Variants in ATP10B observed in about 807,000 individuals in gnomAD.
The protein encoded by ATP10B is ATPase phospholipid transporting 10B (putative).
Under a neutral mutation model 141.2 loss-of-function variants are expected in ATP10B, and 122 were observed. The ratio of observed to expected loss-of-function variants is 0.86; its 90% confidence interval spans 0.75 to 1.00. The LOEUF (loss-of-function observed/expected upper bound fraction) is 1.00, where lower values mean the gene tolerates loss of function less well. ATP10B is among the 50% of genes least tolerant of loss of function. The pLI, the probability that ATP10B is intolerant of heterozygous loss-of-function variation, is 0.00. For missense variants in ATP10B, 1,876 were observed against 1,825.3 expected (o/e 1.03, Z -0.51); for synonymous variants, 685 against 692.0 (o/e 0.99, Z 0.16).
chr5:160,698,733 G>A (rs777245195), intron 3 of ATP10B, among the ~76,000 whole-genome samples: 24 of 152,172 alleles, frequency 1.6e-4, no homozygotes, highest in Admixed American at 2.0e-4. Flanking sequence ...CTACCAATGG[G>A]AAATTGAAAG....
intron 1 of ATP10B, among the ~76,000 whole-genome samples, chr5:160,805,078 C>T (rs1013788195): frequency 6.6e-6 from 1 of 152,198 alleles, no homozygotes; most frequent in Admixed American, 6.5e-5. Context: ...CAAGGGTCAA[C>T]TAAATTTGTG....
intron 2 of ATP10B, among the ~76,000 whole-genome samples, chr5:160,739,363 T>C (rs1434451463): frequency 6.6e-6 from 1 of 152,158 alleles, no homozygotes; most frequent in Non-Finnish European, 1.5e-5. Context: ...ACAATAGTCA[T>C]ATAGAATTAA....
At chr5:160,727,954 T>C (rs1766474582) in intron 2 of ATP10B, among the ~76,000 whole-genome samples, 1 of 152,234 alleles carries the variant, frequency 6.6e-6, no homozygotes, top group Non-Finnish European at 1.5e-5. Context: ...GTCTACAATC[T>C]AAGTCTTGCT....
Position 160,632,212 on chromosome 5 carries a change from C to T in ATP10B, c.1537G>A (p.Val513Met), listed in dbSNP as rs1758984248. 1.2e-6 allele frequency: 2 copies of T among 1,614,066 alleles called. No individual in the cohort carries two copies. The highest frequency in any genetic ancestry group is 2.7e-5 in the African/African-American group (2 of 74,934). Residue 513 changes from valine to methionine, a missense_variant, in exon 13 of 26, where the codon GTG becomes ATG. Coordinates refer to ENST00000327245, the MANE Select transcript of ATP10B (RefSeq NM_025153.3). The part of the protein sequence containing the change: ...QPLRRSQSAR[V>M]PIQGHYRQRS... ...TGCCGGTAGTGGCCCTGGATGGGCACCCGGGCACTCTGGCTCCTCCTCAGA... is the reference window on the plus strand; with the variant it reads ...TGCCGGTAGTGGCCCTGGATGGGCATCCGGGCACTCTGGCTCCTCCTCAGA...
the ATP10B span, among the ~76,000 whole-genome samples, chr5:160,887,642 C>T: frequency 6.6e-6 from 1 of 152,158 alleles, no homozygotes; most frequent in Non-Finnish European, 1.5e-5. Flanking sequence ...TCTCCCCTCA[C>T]TCATGTTTCT....
At chr5:160,612,305 G>A (rs1271561039) in intron 18 of ATP10B, 3 of 152,906 alleles carry the variant, frequency 2.0e-5, no homozygotes, top group African/African-American at 7.2e-5. Flanking sequence ...GTAAGAAACC[G>A]ACAGTTGAGT....
chr5:160,637,509 C>T (rs1759507796), intron 10 of ATP10B, among the ~76,000 whole-genome samples: 1 of 152,160 alleles, frequency 6.6e-6, no homozygotes, highest in Admixed American at 6.5e-5. Context: ...ATAGCAGAGC[C>T]TAGAATGCTG....
At chr5:160,829,827 A>G (rs1448893057) in intron 1 of ATP10B, among the ~76,000 whole-genome samples, 2 of 148,902 alleles carry the variant, frequency 1.3e-5, no homozygotes, top group Non-Finnish European at 2.9e-5. Flanking sequence ...TGTTAAACTC[A>G]TTTATCAGTT....
At chr5:160,747,066 C>T (rs1767854035) in intron 2 of ATP10B, among the ~76,000 whole-genome samples, 1 of 152,182 alleles carries the variant, frequency 6.6e-6, no homozygotes, top group African/African-American at 2.4e-5. Flanking sequence ...GGATTCTTGG[C>T]TTCTCATTTG....
intron 1 of ATP10B, among the ~76,000 whole-genome samples, chr5:160,823,813 G>A (rs1440183213): frequency 1.3e-5 from 2 of 151,966 alleles, no homozygotes; most frequent in South Asian, 2.1e-4. Context: ...CAGCCTGGGC[G>A]ACAGAGTGAG....
intron 3 of ATP10B, among the ~76,000 whole-genome samples, chr5:160,697,640 T>A (rs1764449687): frequency 6.6e-6 from 1 of 151,996 alleles, no homozygotes; most frequent in East Asian, 1.9e-4. Context: ...TTGGTAAAAG[T>A]GGGGACTAGT....
intron 2 of ATP10B, among the ~76,000 whole-genome samples, chr5:160,728,734 C>T (rs1490828516): frequency 6.6e-6 from 1 of 152,070 alleles, no homozygotes; most frequent in Non-Finnish European, 1.5e-5. Flanking sequence ...TGTTGTCAGA[C>T]CTTAGGGTGG....
chr5:160,874,727 C>T, the ATP10B span, among the ~76,000 whole-genome samples: 35 of 151,848 alleles, frequency 2.3e-4, no homozygotes, highest in African/African-American at 7.2e-4. Context: ...TCCAGAACTA[C>T]GTGAAGAATG....
chr5:160,702,250 C>T (rs1486205926), intron 3 of ATP10B, among the ~76,000 whole-genome samples: 1 of 152,110 alleles, frequency 6.6e-6, no homozygotes, highest in Admixed American at 6.6e-5. Flanking sequence ...CCCAAATAAT[C>T]CTATGAGGTA....
At chr5:160,823,655 G>C (rs971284220) in intron 1 of ATP10B, among the ~76,000 whole-genome samples, 5 of 152,124 alleles carry the variant, frequency 3.3e-5, no homozygotes, top group Admixed American at 1.3e-4. Context: ...AGGAGATCGA[G>C]ACCATCCTGG....
At chr5:160,621,733 C>T (rs527734361) in intron 14 of ATP10B, among the ~76,000 whole-genome samples, 2 of 152,288 alleles carry the variant, frequency 1.3e-5, no homozygotes, top group African/African-American at 4.8e-5. Flanking sequence ...TGACTCACAG[C>T]TCACAGGGGT....
At chr5:160,896,853 T>G in the ATP10B span, among the ~76,000 whole-genome samples, 1 of 152,196 alleles carries the variant, frequency 6.6e-6, no homozygotes. Flanking sequence ...CACGATCAAG[T>G]TGGCTTCATC....
intron 1 of ATP10B, among the ~76,000 whole-genome samples, chr5:160,814,842 A>G (rs1773477187): frequency 6.6e-6 from 1 of 152,218 alleles, no homozygotes; most frequent in African/African-American, 2.4e-5. Context: ...AACATTCTTA[A>G]AGAAAAGATT....
chr5:160,768,454 G>T lies in ATP10B; in HGVS notation c.-331+17105C>A, dbSNP rs926581828. On this transcript the variant is annotated intron_variant, in intron 2 of 25. Transcript: ENST00000327245. The stretch of plus-strand genomic sequence containing the variant: ...GAACACTTCCACAATTTCTTGGACT[G>T]CCCATACATCATGATCTAAAGCAAG... Among the ~76,000 whole-genome samples, 7 of 152,070 alleles carry T rather than the reference G, an allele frequency of 4.6e-5. No homozygotes were observed. In the South Asian group the frequency reaches 1.5e-3, roughly 32 times the overall value.
Sources: allele counts gnomAD v4.1 joint callset (sites outside exome capture counted in the v4.1 genomes callset), GRCh38; gene constraint gnomAD v4.1.1; transcripts MANE v1.5; gene names NCBI Gene and HGNC (gene_info 2026-07-23, HGNC 2026-07-21).